Variants in COL19A1 observed in about 807,000 individuals in gnomAD.
The protein encoded by COL19A1 is collagen alpha-1(XIX) chain.
In COL19A1, 159 loss-of-function variants were observed where a neutral mutation model predicts 190.2. The ratio of observed to expected loss-of-function variants is 0.84; its 90% CI spans 0.73 to 0.95. COL19A1 has a LOEUF of 0.95. Ranked by LOEUF, COL19A1 falls within the 40% of genes least tolerant of loss-of-function variation. The pLI, the probability that COL19A1 is intolerant of heterozygous loss-of-function variation, is 0.00. For synonymous variants in COL19A1, 509 were observed against 458.9 expected, an observed-to-expected ratio of 1.11 and a Z score of -1.39; for missense variants, 1,418 against 1,431.9, an observed-to-expected ratio of 0.99 and a Z score of 0.16.
chr6:70,029,926 A>C (rs1228520985), intron 12 of COL19A1, among the ~76,000 whole-genome samples: 1 of 152,170 alleles, frequency 6.6e-6, no homozygotes, highest in Non-Finnish European at 1.5e-5. Flanking sequence ...TCTCTACAAC[A>C]TATGATTCTC....
intron 48 of COL19A1, among the ~76,000 whole-genome samples, chr6:70,196,237 CACATTTAGGAG>C (rs1249335702): frequency 6.6e-6 from 1 of 152,008 alleles, no homozygotes; most frequent in Non-Finnish European, 1.5e-5. Flanking sequence ...TTTTGGTTTC[CACATTTAGGAG>C]ACATTTATGG....
At chr6:70,163,303 A>G in intron 35 of COL19A1, 40 bp from the exon 36 acceptor site, 1 of 1,593,330 alleles carries the variant, frequency 6.3e-7, no homozygotes, top group African/African-American at 1.3e-5. Context: ...TGGCCATTTA[A>G]TTGTTGTTTC....
chr6:69,997,949 CA>C (rs895670258), intron 11 of COL19A1, among the ~76,000 whole-genome samples: 10 of 150,078 alleles, frequency 6.7e-5, no homozygotes, highest in East Asian at 1.9e-4. Flanking sequence ...TGCTAAAAGC[CA>C]AAAAAAACAG....
chr6:70,069,879 T>A (rs1434470194), intron 15 of COL19A1, among the ~76,000 whole-genome samples: 1 of 152,180 alleles, frequency 6.6e-6, no homozygotes. Context: ...AAAAAATGAT[T>A]TGAATCCTGT....
chr6:70,047,376 T>C (rs1310025449), intron 14 of COL19A1, among the ~76,000 whole-genome samples: 1 of 152,112 alleles, frequency 6.6e-6, no homozygotes, highest in East Asian at 1.9e-4. Context: ...TCATAATAAG[T>C]ATACACATTT....
chr6:70,029,867 C>T (rs1015951560), intron 12 of COL19A1, among the ~76,000 whole-genome samples: 1 of 152,150 alleles, frequency 6.6e-6, no homozygotes, highest in African/African-American at 2.4e-5. Flanking sequence ...TAAACTTGAA[C>T]TTGAAAAGTA....
Position 70,146,818 on chromosome 6 carries a change from A to G in COL19A1, c.1822A>G (p.Arg608Gly), listed in dbSNP as rs1786683323. 1 of 1,597,350 alleles carries G rather than the reference A, an allele frequency of 6.3e-7. No homozygotes were observed. Among genetic ancestry groups the G allele is most frequent in the Non-Finnish European group, 8.5e-7 (1 of 1,173,408 alleles). The change falls in exon 27 of 51, where the codon AGA becomes GGA. Residue 608 changes from arginine (R) to glycine (G), a missense_variant. Coordinates refer to ENST00000620364, the MANE Select transcript of COL19A1 (RefSeq NM_001858.6). ...GAAGCCTTTCATTTCACAGGGTGAA[A>G]GAGGACTTCCAGGTGTTCACGGTTC... Reference protein sequence around the residue: ...APGPRGPKGERGLPGVHGSPG... With the variant: ...APGPRGPKGEGGLPGVHGSPG...
At chr6:70,110,230 T>G (rs1426371766) in intron 16 of COL19A1, among the ~76,000 whole-genome samples, 2 of 152,072 alleles carry the variant, frequency 1.3e-5, no homozygotes, top group Non-Finnish European at 2.9e-5. Flanking sequence ...TCATCATGTA[T>G]CAATGGGAAT....
chr6:70,178,691 G>A (rs953181627), intron 42 of COL19A1, among the ~76,000 whole-genome samples: 18 of 152,210 alleles, frequency 1.2e-4, no homozygotes, highest in African/African-American at 4.1e-4. Context: ...AGTTGAAGCA[G>A]GGCTGGGGCC....
In COL19A1 at chr6:70,184,747, A is replaced by G; in HGVS notation, c.2811+9A>G. 1.2e-6 allele frequency: 2 copies of G among 1,602,896 alleles called. No homozygotes were observed. Among genetic ancestry groups the G allele is most frequent in the South Asian group, 2.2e-5 (2 of 90,086 alleles). ...GAATACCAGGTGCTCAGGTATGGGA[A>G]ATATGATTTAAAATAAAAGTTATAA... On this transcript the variant is annotated intron_variant, in intron 45 of 50. Coordinates refer to ENST00000620364, the MANE Select transcript of COL19A1 (RefSeq NM_001858.6).
chr6:70,104,098 T>C (rs1783805717), intron 16 of COL19A1, among the ~76,000 whole-genome samples: 1 of 152,254 alleles, frequency 6.6e-6, no homozygotes, highest in Non-Finnish European at 1.5e-5. Flanking sequence ...CTTTAGCCAT[T>C]CTAGTGGATT....
At chr6:70,049,834 T>C (rs1368922991) in intron 14 of COL19A1, among the ~76,000 whole-genome samples, 1 of 152,140 alleles carries the variant, frequency 6.6e-6, no homozygotes, top group African/African-American at 2.4e-5. Flanking sequence ...GCAAAGCACG[T>C]ATTTATTTCA....
chr6:69,931,740 C>G (rs934891387), intron 6 of COL19A1, among the ~76,000 whole-genome samples: 3 of 152,076 alleles, frequency 2.0e-5, no homozygotes, highest in Non-Finnish European at 4.4e-5. Context: ...TTTGCATTTT[C>G]TGCAAATCTT....
At chr6:70,166,353 G>A (rs1243468724) in intron 37 of COL19A1, among the ~76,000 whole-genome samples, 1 of 152,208 alleles carries the variant, frequency 6.6e-6, no homozygotes, top group Non-Finnish European at 1.5e-5. Flanking sequence ...ATGCGAGTTG[G>A]TAGAAAATCG....
intron 14 of COL19A1, among the ~76,000 whole-genome samples, chr6:70,046,277 CCTT>C (rs1779910966): frequency 1.3e-5 from 2 of 152,130 alleles, no homozygotes; most frequent in Admixed American, 6.5e-5. Context: ...TGGTCTCCCT[CCTT>C]CTCCCCTTGC....
chr6:70,043,714 A>G (rs1403347713), intron 14 of COL19A1, among the ~76,000 whole-genome samples: 1 of 152,226 alleles, frequency 6.6e-6, no homozygotes, highest in Non-Finnish European at 1.5e-5. Flanking sequence ...CTTCTTCAGT[A>G]AACCATGCTA....
chr6:70,029,487 C>T (rs1274980615), intron 12 of COL19A1, among the ~76,000 whole-genome samples: 1 of 152,118 alleles, frequency 6.6e-6, no homozygotes, highest in Non-Finnish European at 1.5e-5. Context: ...ACCGATCTTA[C>T]TCAATATTTA....
chr6:69,934,094 T>G (rs1179481642), intron 7 of COL19A1, among the ~76,000 whole-genome samples: 1 of 152,032 alleles, frequency 6.6e-6, no homozygotes, highest in Non-Finnish European at 1.5e-5. Flanking sequence ...GAAATAAGAA[T>G]GTGACCAAAG....
At chr6:70,032,938 C>T (rs953930143) in intron 12 of COL19A1, among the ~76,000 whole-genome samples, 90 of 152,144 alleles carry the variant, frequency 5.9e-4, no homozygotes, top group African/African-American at 1.8e-3. Context: ...ATAGAGTATG[C>T]GTTCCTTGAT....
Sources: gnomAD v4.1 joint callset for allele counts (sites outside exome capture counted in the v4.1 genomes callset) on GRCh38, gnomAD v4.1.1 for gene constraint, MANE v1.5 for transcripts, NCBI Gene and HGNC (gene_info 2026-07-23, HGNC 2026-07-21) for gene names.